The following POMT2 variants were observed in gnomAD, a reference collection of about 807,000 sequenced individuals.
The protein encoded by POMT2 is protein O-mannosyl-transferase 2.
A neutral mutation model predicts 100.0 loss-of-function variants in POMT2; 75 were observed. The ratio of observed to expected loss-of-function variants is 0.75; its 90% CI spans 0.62 to 0.91. The LOEUF (loss-of-function observed/expected upper bound fraction) is 0.91, where lower values mean the gene tolerates loss of function less well. Among genes scored for constraint, POMT2 ranks in the 40% least tolerant of loss-of-function variants. The pLI is 0.00. For synonymous variants in POMT2, 378 were observed against 374.1 expected (o/e 1.01, Z -0.12); for missense variants, 940 against 955.1 (o/e 0.98, Z 0.21).
Position 77,308,078 on chromosome 14 carries a change from T to C in POMT2, c.334-1637A>G, listed in dbSNP as rs1891291095. On this transcript the variant is annotated intron_variant, in intron 2 of 20. Coordinates refer to ENST00000261534, the MANE Select transcript of POMT2 (RefSeq NM_013382.7). ...GGTTTCACCATCTTGGCCAGGCTGG[T>C]CTTGAACTCCTGACCTCATGATCCA... is the stretch of plus-strand genomic sequence containing the variant. Among the ~76,000 whole-genome samples, 8 of 150,892 alleles carry C rather than the reference T, an allele frequency of 5.3e-5. No homozygotes were observed. The South Asian group carries it at 1.7e-3, about 32-fold the overall frequency.
intron 10 of POMT2, among the ~76,000 whole-genome samples, chr14:77,289,061 T>C (rs896332360): frequency 7.9e-5 from 12 of 151,130 alleles, no homozygotes; most frequent in Non-Finnish European, 1.8e-4. Context: ...TTTTGTCAGG[T>C]GAACAAGCAG....
At chr14:77,303,095 G>A (rs1372831303) in intron 4 of POMT2, 152 bp from the exon 5 acceptor site, 2 of 705,954 alleles carry the variant, frequency 2.8e-6, no homozygotes, top group African/African-American at 3.5e-5. Context: ...TGAGTCATCA[G>A]GGAGGTAGAA....
In POMT2 at chr14:77,284,983, T is replaced by C. The variant is rs778602123; in HGVS notation, c.1543A>G (p.Ile515Val). 8.1e-6 allele frequency: 13 copies of C among 1,613,256 alleles called. No homozygotes were observed. The highest frequency in any genetic ancestry group is 7.7e-5 in the South Asian group (7 of 91,074). Residue 515 changes from isoleucine to valine, a missense_variant, in exon 14 of 21, where the codon ATC becomes GTC. Coordinates refer to ENST00000261534, the MANE Select transcript of POMT2 (RefSeq NM_013382.7). ...TTGATATGGTCCTCCACATTCCAGA[T>C]GGAGTTGAGGGTTTCTTTCAGGTAT... ...TPYLKETLNS[I>V]WNVEDHINPK...
At chr14:77,316,620 C>T (rs140968940) in intron 1 of POMT2, among the ~76,000 whole-genome samples, 54 of 147,556 alleles carry the variant, frequency 3.7e-4, no homozygotes, top group Non-Finnish European at 6.9e-4. Context: ...CTAGAGGCAT[C>T]TTGGTTTTAC....
chr14:77,281,094 CAAAA>C (rs1247414050), intron 15 of POMT2, among the ~76,000 whole-genome samples: 15 of 115,110 alleles, frequency 1.3e-4, no homozygotes, highest in African/African-American at 3.9e-4. Flanking sequence ...GACTCAGTCT[CAAAA>C]TAAATAAATA....
chr14:77,299,360 T>A (rs1890938976), intron 7 of POMT2, 95 bp downstream of exon 7: 1 of 1,133,968 alleles, frequency 8.8e-7, no homozygotes. Flanking sequence ...CACCTATCAT[T>A]TTAACCACAG....
At chr14:77,300,054 C>T (rs1594795374) in intron 6 of POMT2, 1 of 219,390 alleles carries the variant, frequency 4.6e-6, no homozygotes, top group East Asian at 1.1e-4. Context: ...CTGACTGTAA[C>T]TGCCTGCTTC....
chr14:77,276,059 T>A lies in POMT2; in HGVS notation c.*1317A>T, dbSNP rs144329117. On this transcript the variant is annotated 3_prime_UTR_variant, in exon 21 of 21. Coordinates refer to ENST00000261534, the MANE Select transcript of POMT2 (RefSeq NM_013382.7). ...AGTGTGGCGGATTCATCATTAAATA[T>A]TGAAGCATCAAAGTCCTCTGAGACA... 3.9e-5 allele frequency: 6 copies of A among 152,472 alleles called. No homozygotes were observed. In the East Asian group the frequency reaches 5.8e-4, roughly 15 times the overall value. 9.4% of individuals were successfully genotyped at this position (152,472 alleles called of 1,614,324 possible). A position where few individuals can be genotyped will look rare whatever the true frequency, so the allele number is the denominator to read the frequency against.
intron 1 of POMT2, among the ~76,000 whole-genome samples, chr14:77,312,859 A>C (rs1377704137): frequency 6.6e-6 from 1 of 152,234 alleles, no homozygotes; most frequent in Non-Finnish European, 1.5e-5. Flanking sequence ...ACCCTGTGAC[A>C]AGTAAGCTGC....
chr14:77,320,522 C>A lies in POMT2; in HGVS notation c.160G>T (p.Ala54Ser), dbSNP rs1239345534. 2 of 1,555,160 alleles carry A rather than the reference C, an allele frequency of 1.3e-6. No homozygotes were observed. The highest frequency in any genetic ancestry group is 1.7e-6 in the Non-Finnish European group (2 of 1,155,224). The change falls in exon 1 of 21, where the codon GCG becomes TCG. Residue 54 changes from alanine to serine, a missense_variant. Physicochemically the swap from Ala to Ser is moderately conservative, Grantham distance 99. Transcript: ENST00000261534. The part of the protein sequence containing the change: ...RPAWGSRRFE[A>S]VGWWALLALV... ...GCCAGCAGGGCCCACCAGCCGACCG[C>A]CTCGAAGCGCCGTGAGCCCCAAGCA...
At chr14:77,315,149 G>C (rs573952151) in intron 1 of POMT2, among the ~76,000 whole-genome samples, 2 of 152,252 alleles carry the variant, frequency 1.3e-5, no homozygotes, top group African/African-American at 4.8e-5. Context: ...ATGTCTCATG[G>C]GGGGAAGGAT....
intron 12 of POMT2, 45 bp from the exon 13 acceptor site, chr14:77,285,677 T>G (rs1162173582): frequency 6.3e-7 from 1 of 1,584,220 alleles, no homozygotes; most frequent in African/African-American, 1.3e-5. Flanking sequence ...GTGAGGGGAC[T>G]TTAGAGAAAA....
intron 15 of POMT2, among the ~76,000 whole-genome samples, chr14:77,283,529 T>C (rs748129695): frequency 5.8e-4 from 89 of 152,280 alleles, no homozygotes; most frequent in Middle Eastern, 3.4e-3. Flanking sequence ...CTCCATATGA[T>C]TGTAATAAGT....
intron 6 of POMT2, chr14:77,300,603 T>C: frequency 5.6e-6 from 1 of 177,064 alleles, no homozygotes; most frequent in Non-Finnish European, 1.2e-5. Flanking sequence ...GCGGATCACT[T>C]GAGGTCAGGG....
intron 19 of POMT2, 35 bp downstream of exon 19, chr14:77,278,694 G>C (rs759487806): frequency 7.4e-6 from 12 of 1,613,132 alleles, no homozygotes; most frequent in Non-Finnish European, 1.0e-5. Context: ...CCCTCCACCT[G>C]CTCTGTCTCC....
At chr14:77,314,807 G>A (rs929867679) in intron 1 of POMT2, among the ~76,000 whole-genome samples, 1 of 152,248 alleles carries the variant, frequency 6.6e-6, no homozygotes, top group African/African-American at 2.4e-5. Flanking sequence ...TGCGGCAATA[G>A]GACCCTGCTA....
chr14:77,278,265 G>T, intron 20 of POMT2, 129 bp downstream of exon 20: 1 of 806,506 alleles, frequency 1.2e-6, no homozygotes, highest in Non-Finnish European at 2.1e-6. Flanking sequence ...CCTGGGCTTG[G>T]GTGACGCAGA....
chr14:77,308,935 G>A (rs941286442), intron 2 of POMT2, among the ~76,000 whole-genome samples: 5 of 152,162 alleles, frequency 3.3e-5, no homozygotes, highest in African/African-American at 1.2e-4. Flanking sequence ...CATACATGCT[G>A]CCCACCAACT....
At chr14:77,280,672 G>A (rs1890187092) in intron 15 of POMT2, among the ~76,000 whole-genome samples, 1 of 150,908 alleles carries the variant, frequency 6.6e-6, no homozygotes, top group Non-Finnish European at 1.5e-5. Flanking sequence ...TCTCCCATAA[G>A]GGGTCCATTC....
Sources: gnomAD v4.1 joint callset for allele counts (sites outside exome capture counted in the v4.1 genomes callset) on GRCh38, gnomAD v4.1.1 for gene constraint, MANE v1.5 for transcripts, NCBI Gene and HGNC (gene_info 2026-07-23, HGNC 2026-07-21) for gene names.